SLC35F1: variants seen among roughly 807,000 people sequenced by gnomAD.
The protein encoded by SLC35F1 is chromosome 6 open reading frame 169.
In SLC35F1, 14 loss-of-function variants were observed where a neutral mutation model predicts 48.7. That is an observed-to-expected ratio of 0.29 (90% CI 0.19 to 0.45). The LOEUF is 0.45. Ranked by LOEUF, SLC35F1 falls within the 20% of genes least tolerant of loss-of-function variation. The pLI is 1.00. For missense variants in SLC35F1, 404 were observed against 500.0 expected (o/e 0.81, Z 1.83); for synonymous variants, 190 against 202.2 (o/e 0.94, Z 0.51).
intron 1 of SLC35F1, among the ~76,000 whole-genome samples, chr6:118,146,904 A>G (rs1475880095): frequency 6.6e-6 from 1 of 152,244 alleles, no homozygotes; most frequent in African/African-American, 2.4e-5. Flanking sequence ...TACAAATTCC[A>G]AGAGTTGATG....
rs866777525 is a variant in SLC35F1 at position 117,997,967 on chromosome 6, G to C, written c.173+90068G>C. On this transcript the variant is annotated intron_variant, in intron 1 of 7. Coordinates refer to ENST00000360388, the MANE Select transcript of SLC35F1 (RefSeq NM_001029858.4). Reference sequence around the variant, plus strand: ...AATGGACTAAATGCTCCAATTAAAAGACACAGACTGGCAAATTGGATAAAG... The same window carrying C: ...AATGGACTAAATGCTCCAATTAAAACACACAGACTGGCAAATTGGATAAAG... Among the ~76,000 whole-genome samples, 15 of 150,820 alleles carry C rather than the reference G, an allele frequency of 9.9e-5. No homozygotes were observed. The South Asian group carries it at 2.1e-3, about 21-fold the overall frequency.
intron 6 of SLC35F1, among the ~76,000 whole-genome samples, chr6:118,279,172 C>T (rs1461879417): frequency 2.6e-5 from 4 of 152,134 alleles, no homozygotes; most frequent in Admixed American, 2.0e-4. Flanking sequence ...TCCCAACACA[C>T]ACAAAAAAAT....
At position 117,974,116 on chromosome 6, in the gene SLC35F1, C is replaced by T. The variant is rs891558061; in HGVS notation, c.173+66217C>T. Among the ~76,000 whole-genome samples, 5 of 152,134 alleles carry T rather than the reference C, an allele frequency of 3.3e-5. No individual in the cohort carries two copies. The South Asian group carries it at 1.0e-3, about 32-fold the overall frequency. On this transcript the variant is annotated intron_variant, in intron 1 of 7. Coordinates refer to ENST00000360388, the MANE Select transcript of SLC35F1 (RefSeq NM_001029858.4). The stretch of plus-strand genomic sequence containing the variant: ...GGACAAATTGTTTAATCTCTCTATG[C>T]CCCAGTTTCCTCATCCATGAAATAG...
intron 1 of SLC35F1, among the ~76,000 whole-genome samples, chr6:118,125,868 G>A (rs752200236): frequency 7.9e-5 from 12 of 152,232 alleles, no homozygotes; most frequent in Non-Finnish European, 1.5e-4. Flanking sequence ...ATGGAGGAGG[G>A]CAAGCAGGTT....
chr6:118,211,986 A>G (rs963699319), intron 2 of SLC35F1, among the ~76,000 whole-genome samples: 2 of 152,200 alleles, frequency 1.3e-5, no homozygotes, highest in African/African-American at 4.8e-5. Flanking sequence ...GTTTTGAGCC[A>G]ATCAGCATTC....
At chr6:118,217,000 A>T (rs755302825) in intron 2 of SLC35F1, among the ~76,000 whole-genome samples, 3 of 152,188 alleles carry the variant, frequency 2.0e-5, no homozygotes, top group Non-Finnish European at 4.4e-5. Flanking sequence ...AGTGATTCAG[A>T]AGAGCCTGTG....
At chr6:118,277,425 A>G (rs1775931610) in intron 5 of SLC35F1, 69 bp from the exon 6 acceptor site, 4 of 1,388,596 alleles carry the variant, frequency 2.9e-6, no homozygotes, top group Non-Finnish European at 3.1e-6. Flanking sequence ...GTGGGGGGGA[A>G]AAAAGAAAGA....
chr6:118,126,132 C>A (rs936864662), intron 1 of SLC35F1, among the ~76,000 whole-genome samples: 7 of 152,184 alleles, frequency 4.6e-5, no homozygotes, highest in Non-Finnish European at 1.0e-4. Flanking sequence ...CCCCAGCACT[C>A]CCCTCACTAA....
chr6:118,311,388 TAA>T (rs879826166), intron 7 of SLC35F1, among the ~76,000 whole-genome samples: 1 of 149,244 alleles, frequency 6.7e-6, no homozygotes, highest in East Asian at 1.9e-4. Context: ...TCATTCAAGA[TAA>T]AAAAAAAATA....
intron 1 of SLC35F1, among the ~76,000 whole-genome samples, chr6:117,987,298 CT>C (rs10540251): frequency 0.41 from 61,891 of 149,654 alleles, 12,967 homozygotes; most frequent in South Asian, 0.53. Flanking sequence ...TCTTTCCCTT[CT>C]TTTTTTTTTC....
chr6:117,914,605 C>T (rs1775805488), intron 1 of SLC35F1, among the ~76,000 whole-genome samples: 1 of 152,116 alleles, frequency 6.6e-6, no homozygotes, highest in African/African-American at 2.4e-5. Flanking sequence ...GCTAGTATGG[C>T]CTCTGGGTGC....
rs1304499333 is a variant in SLC35F1, at chr6:118,285,214, T to A, written c.878T>A (p.Met293Lys). 6.2e-7 allele frequency: 1 copy of A among 1,613,944 alleles called. No individual in the cohort carries two copies. The highest frequency in any genetic ancestry group is 2.2e-5 in the East Asian group (1 of 44,870). ...CTCTACGTTGGCTTTAGTGCCTGCA[T>A]GTTTGGTCTCTACAGCTTTATGCCA... ...GLLYVGFSAC[M>K]FGLYSFMPVV... The change falls in exon 7 of 8, where the codon ATG becomes AAG. Residue 293 changes from methionine (M) to lysine (K), a missense_variant. By Grantham distance (95) the Met-to-Lys change is moderately conservative. This residue lies in a region of SLC35F1 where 306 missense variants were observed against 419.1 expected (regional missense o/e 0.73). Transcript: ENST00000360388.
rs570173481 is a variant in SLC35F1 at position 118,169,118 on chromosome 6, T to C, written c.349+14498T>C. Among the ~76,000 whole-genome samples, 15 of 152,342 alleles carry C rather than the reference T, an allele frequency of 9.8e-5. 1 individual carries two copies. In the South Asian group the frequency reaches 2.9e-3, roughly 29 times the overall value. On this transcript the variant is annotated intron_variant, in intron 2 of 7. Coordinates refer to ENST00000360388, the MANE Select transcript of SLC35F1 (RefSeq NM_001029858.4). The stretch of plus-strand genomic sequence containing the variant: ...GTATTCTAGAGGAGTAAATTAATGG[T>C]GCCTCTGATAGCAACATTGCAATAT...
chr6:117,921,962 A>G (rs1045318345), intron 1 of SLC35F1, among the ~76,000 whole-genome samples: 1 of 152,246 alleles, frequency 6.6e-6, no homozygotes, highest in Non-Finnish European at 1.5e-5. Context: ...GAATTAAGAC[A>G]ACAACAAAAA....
At chr6:118,244,342 G>A (rs1443841211) in intron 3 of SLC35F1, among the ~76,000 whole-genome samples, 1 of 152,274 alleles carries the variant, frequency 6.6e-6, no homozygotes, top group Non-Finnish European at 1.5e-5. Context: ...TATTGAAGCA[G>A]CAATGTTACA....
At chr6:118,168,088 CTT>C (rs1774345263) in intron 2 of SLC35F1, among the ~76,000 whole-genome samples, 1 of 152,300 alleles carries the variant, frequency 6.6e-6, no homozygotes, top group Non-Finnish European at 1.5e-5. Context: ...GGGACCCTGA[CTT>C]TGCATTAAGA....
At chr6:118,035,914 G>A (rs925787874) in intron 1 of SLC35F1, among the ~76,000 whole-genome samples, 2 of 151,646 alleles carry the variant, frequency 1.3e-5, no homozygotes, top group Admixed American at 6.6e-5. Context: ...GGATGGTCTT[G>A]ATCTCCTGAC....
chr6:117,928,834 G>A (rs1308441530), intron 1 of SLC35F1, among the ~76,000 whole-genome samples: 4 of 152,136 alleles, frequency 2.6e-5, no homozygotes, highest in African/African-American at 4.8e-5. Flanking sequence ...CTACAAAGGG[G>A]TTGGAGAACA....
At chr6:118,074,653 T>C (rs1772791962) in intron 1 of SLC35F1, among the ~76,000 whole-genome samples, 1 of 152,160 alleles carries the variant, frequency 6.6e-6, no homozygotes, top group Non-Finnish European at 1.5e-5. Context: ...GACAGGTAGA[T>C]TTTTCTTTTC....
Sources: gnomAD v4.1 joint callset for allele counts (sites outside exome capture counted in the v4.1 genomes callset) on GRCh38, gnomAD v4.1.1 for gene constraint, gnomAD v4.1.1 regional missense constraint, MANE v1.5 for transcripts, NCBI Gene and HGNC (gene_info 2026-07-23, HGNC 2026-07-21) for gene names.